GNB1L: variants seen among roughly 807,000 people sequenced by gnomAD.
The protein encoded by GNB1L is guanine nucleotide-binding protein subunit beta-like protein 1.
GNB1L carries 20 observed loss-of-function variants against 29.1 expected under a neutral mutation model. The ratio of observed to expected loss-of-function variants is 0.69; its 90% CI spans 0.48 to 1.00. GNB1L has a LOEUF of 1.00. Ranked by LOEUF, GNB1L falls within the 50% of genes least tolerant of loss-of-function variation. The pLI is 0.00. For missense variants in GNB1L, 421 were observed against 464.9 expected (o/e 0.91, Z 0.87); for synonymous variants, 193 against 206.5 (o/e 0.93, Z 0.56).
intron 2 of GNB1L, chr22:19,848,661 A>G (rs915163292): frequency 1.0e-6 from 1 of 985,378 alleles, no homozygotes; most frequent in Non-Finnish European, 1.2e-6. Flanking sequence ...GGACTCTCCC[A>G]AGGACTCTCA....
chr22:19,842,204 C>T (rs1398096467), intron 2 of GNB1L, among the ~76,000 whole-genome samples: 3 of 152,256 alleles, frequency 2.0e-5, no homozygotes, highest in Admixed American at 6.5e-5. Context: ...CCTCAGCCAG[C>T]GACCCTGATC....
intron 7 of GNB1L, among the ~76,000 whole-genome samples, chr22:19,791,243 C>A (rs1052653817): frequency 2.0e-5 from 3 of 152,164 alleles, no homozygotes; most frequent in Non-Finnish European, 2.9e-5. Context: ...CCCCACCCCC[C>A]AAAATAACTG....
chr22:19,832,337 A>C (rs933482698), intron 2 of GNB1L, among the ~76,000 whole-genome samples: 3 of 152,158 alleles, frequency 2.0e-5, no homozygotes, highest in African/African-American at 7.2e-5. Context: ...CCCACCCCCC[A>C]AAAAATCCCA....
At chr22:19,818,849 A>G (rs1406477834) in intron 4 of GNB1L, among the ~76,000 whole-genome samples, 1 of 152,178 alleles carries the variant, frequency 6.6e-6, no homozygotes, top group Non-Finnish European at 1.5e-5. Context: ...ACTCTGATCA[A>G]GGACAATAGC....
intron 2 of GNB1L, among the ~76,000 whole-genome samples, chr22:19,844,371 C>T (rs898357886): frequency 2.6e-5 from 4 of 152,256 alleles, no homozygotes; most frequent in Non-Finnish European, 5.9e-5. Flanking sequence ...CCACCCACCA[C>T]GCTGGCAGGG....
intron 6 of GNB1L, among the ~76,000 whole-genome samples, chr22:19,803,052 C>T (rs1276317946): frequency 1.3e-5 from 2 of 152,222 alleles, no homozygotes; most frequent in Non-Finnish European, 2.9e-5. Context: ...CAAAGGGATG[C>T]TGAGTCCTCA....
intron 7 of GNB1L, among the ~76,000 whole-genome samples, chr22:19,797,796 CG>C (rs1555899784): frequency 1.3e-5 from 2 of 152,178 alleles, no homozygotes; most frequent in Non-Finnish European, 2.9e-5. Context: ...CTCCAGGGCC[CG>C]GGGCCCCCTG....
At position 19,802,705 on chromosome 22, in the gene GNB1L, G is replaced by A. The variant is rs1052837837; in HGVS notation, c.517-489C>T. ...TGGGGCTGGTCACCTGTCTAGAGCC[G>A]CCAGCCAGAAGAAACCGTGAGCTCC... On this transcript the variant is annotated intron_variant, in intron 6 of 7. Transcript: ENST00000329517. Among the ~76,000 whole-genome samples, 29 of 152,312 alleles carry A rather than the reference G, an allele frequency of 1.9e-4. 1 individual carries two copies. Among genetic ancestry groups the A allele is most frequent in the South Asian group, 6.2e-4 (3 of 4,826 alleles).
intron 2 of GNB1L, chr22:19,851,986 G>C (rs756844596): frequency 1.9e-6 from 3 of 1,614,182 alleles, no homozygotes; most frequent in South Asian, 2.2e-5. Context: ...AGTCCACCCT[G>C]TGGGGTCGGG....
intron 2 of GNB1L, among the ~76,000 whole-genome samples, chr22:19,830,613 C>T (rs1937665911): frequency 6.6e-6 from 1 of 152,180 alleles, no homozygotes; most frequent in African/African-American, 2.4e-5. Context: ...GATGTCTCTT[C>T]TCCCCAAATT....
chr22:19,847,025 C>T, intron 2 of GNB1L: 1 of 985,428 alleles, frequency 1.0e-6, no homozygotes, highest in African/African-American at 1.7e-5. Flanking sequence ...TACTGAGCAC[C>T]CCAGCCCATA....
At chr22:19,799,059 A>G (rs987717752) in intron 7 of GNB1L, among the ~76,000 whole-genome samples, 4 of 152,252 alleles carry the variant, frequency 2.6e-5, no homozygotes, top group African/African-American at 4.8e-5. Context: ...TCTGGCAGAC[A>G]GCGCAGCAGC....
chr22:19,792,946 T>C, intron 7 of GNB1L: 1 of 1,357,156 alleles, frequency 7.4e-7, no homozygotes, highest in Non-Finnish European at 1.0e-6. Flanking sequence ...TTGGCTAAGC[T>C]GATGGAAGCT....
intron 2 of GNB1L, chr22:19,846,016 A>G (rs1601352816): frequency 6.6e-6 from 1 of 152,292 alleles, no homozygotes; most frequent in African/African-American, 2.4e-5. Context: ...GGCTGCAGCC[A>G]GACTGTGAGT....
chr22:19,812,338 C>G lies in GNB1L; in HGVS notation c.364G>C (p.Ala122Pro), dbSNP rs1195384761. The G allele has an allele frequency of 2.5e-5, 40 of 1,613,086 alleles. No homozygotes were observed. Among genetic ancestry groups the G allele is most frequent in the Non-Finnish European group, 3.2e-5 (38 of 1,179,958 alleles). ...AGCGTCCAGCGTGGCTGGCCCCCGGCCAGGATGCTGCTCCGGCAGAAGCCC... is the reference window on the plus strand; with the variant it reads ...AGCGTCCAGCGTGGCTGGCCCCCGGGCAGGATGCTGCTCCGGCAGAAGCCC... ...SVGFCRSSIL[A>P]GGQPRWTLAV... The change falls in exon 5 of 8, where the codon GCC (alanine) becomes CCC (proline). Residue 122 changes from alanine to proline, a missense_variant. Transcript: ENST00000329517.
intron 2 of GNB1L, chr22:19,850,318 G>C: frequency 2.0e-6 from 2 of 982,686 alleles, no homozygotes; most frequent in Non-Finnish European, 2.4e-6. Flanking sequence ...TGTGCTGAGG[G>C]TCACAGTCTG....
rs371504225 is a variant in GNB1L, at chr22:19,835,405, A to C, written c.-20-14030T>G. ...AAAAAAAAACAAACAAACAAACAAA[A>C]AAAAAACCTCACGCCTGTAATCCCA... On this transcript the variant is annotated intron_variant, in intron 2 of 7. Coordinates refer to ENST00000329517, the MANE Select transcript of GNB1L (RefSeq NM_053004.3). Among the ~76,000 whole-genome samples, 1,271 of 151,752 alleles carry C rather than the reference A, an allele frequency of 8.4e-3. 12 individuals carry two copies. The highest frequency in any genetic ancestry group is 0.01 in the Non-Finnish European group (709 of 67,910).
rs1937172780 is a variant in GNB1L, at chr22:19,784,394, T to G, written c.*4315A>C. The G allele has an allele frequency of 6.6e-6, 1 of 152,106 alleles. No homozygotes were observed. The highest frequency in any genetic ancestry group is 2.1e-4 in the South Asian group (1 of 4,822). The allele number at this position is 152,106 out of a possible 1,614,324, so 9.4% of individuals were successfully genotyped here. A position where few individuals can be genotyped will look rare whatever the true frequency, so the allele number is the denominator to read the frequency against. On this transcript the variant is annotated 3_prime_UTR_variant, in exon 8 of 8. Transcript: ENST00000329517. ...ATCGGCTGACCCCTCGGTGTCTACG[T>G]GCCAAGCCCAATCTGCCTGCAGGGA...
At chr22:19,801,653 GTTT>G (rs546357448) in intron 7 of GNB1L, among the ~76,000 whole-genome samples, 5 of 137,684 alleles carry the variant, frequency 3.6e-5, no homozygotes, top group Middle Eastern at 3.8e-3. Context: ...TTCCACACTG[GTTT>G]TTTTTTTTTT....
Sources: allele counts gnomAD v4.1 joint callset (sites outside exome capture counted in the v4.1 genomes callset), GRCh38; gene constraint gnomAD v4.1.1; transcripts MANE v1.5; gene names NCBI Gene and HGNC (gene_info 2026-07-23, HGNC 2026-07-21).